Variants in SLC25A20 observed in about 807,000 individuals in gnomAD.
SLC25A20 encodes solute carrier family 25 member 20, also known as mitochondrial carnitine/acylcarnitine carrier protein.
SLC25A20 carries 29 observed loss-of-function variants against 39.7 expected under a neutral mutation model. The ratio of observed to expected loss-of-function variants is 0.73; its 90% confidence interval spans 0.54 to 1.00. The LOEUF is 1.00. Among genes scored for constraint, SLC25A20 ranks in the 50% least tolerant of loss-of-function variants. The pLI is 0.00. For synonymous variants in SLC25A20, 103 were observed against 142.2 expected (o/e 0.72, Z 1.96); for missense variants, 333 against 379.9 (o/e 0.88, Z 1.03).
Position 48,857,605 on chromosome 3 carries a change from C to T in SLC25A20, c.*105G>A. ...TCCATGCACAGGGCTCGGATCTCAC[C>T]ATTCCCCTCCCCTTGCCCTCCAAGA... On this transcript the variant is annotated 3_prime_UTR_variant, in exon 9 of 9. Transcript: ENST00000319017. The T allele has an allele frequency of 9.8e-7, 1 of 1,024,512 alleles. No homozygotes were observed. Among genetic ancestry groups the T allele is most frequent in the Non-Finnish European group, 1.5e-6 (1 of 660,516 alleles). 63.5% of individuals were successfully genotyped at this position (1,024,512 alleles called of 1,614,324 possible).
chr3:48,865,087 T>G (rs1000484876), intron 4 of SLC25A20, among the ~76,000 whole-genome samples: 1 of 152,046 alleles, frequency 6.6e-6, no homozygotes, highest in Non-Finnish European at 1.5e-5. Flanking sequence ...ATAGAAATGT[T>G]GGATAAACTA....
At chr3:48,878,209 C>T (rs1048938498) in intron 4 of SLC25A20, among the ~76,000 whole-genome samples, 2 of 141,324 alleles carry the variant, frequency 1.4e-5, no homozygotes, top group African/African-American at 5.3e-5. Flanking sequence ...TGCAGTGAGC[C>T]AAGATCATGC....
rs1201091816 is a variant in SLC25A20 at position 48,857,698 on chromosome 3, CA to C, written c.*11del. On this transcript the variant is annotated 3_prime_UTR_variant, in exon 9 of 9. Coordinates refer to ENST00000319017, the MANE Select transcript of SLC25A20 (RefSeq NM_000387.6). ...TCCAGCATCCAGAAGTGAACTTGAG[CA>C]GCCTTCAGCCTCACAAGTTGGGGGT... 1.9e-6 allele frequency: 3 copies of C among 1,612,982 alleles called. No individual in the cohort carries two copies. The highest frequency in any genetic ancestry group is 1.7e-6 in the Non-Finnish European group (2 of 1,179,344).
At chr3:48,872,530 A>C (rs1037537988) in intron 4 of SLC25A20, among the ~76,000 whole-genome samples, 1 of 151,952 alleles carries the variant, frequency 6.6e-6, no homozygotes, top group Non-Finnish European at 1.5e-5. Flanking sequence ...AGAAAAAAAA[A>C]AGAACTCTGT....
chr3:48,857,399 G>A lies in SLC25A20; in HGVS notation c.*311C>T, dbSNP rs575183195. 166 of 392,232 alleles carry A rather than the reference G, an allele frequency of 4.2e-4. 4 individuals carry two copies. Among genetic ancestry groups the A allele is most frequent in the South Asian group, 3.9e-3 (164 of 42,286 alleles). The allele number at this position is 392,232 out of a possible 1,614,324, so 24.3% of individuals were successfully genotyped here. A position where few individuals can be genotyped will look rare whatever the true frequency, so the allele number is the denominator to read the frequency against. On this transcript the variant is annotated 3_prime_UTR_variant, in exon 9 of 9. Transcript: ENST00000319017. ...ATGAGGAATACTTTGACTGTGGTAG[G>A]ACCAGCAGTTAACTGGTAGGCAGCA... is the stretch of plus-strand genomic sequence containing the variant.
At chr3:48,883,945 A>G in intron 3 of SLC25A20, 52 bp downstream of exon 3, 1 of 1,606,196 alleles carries the variant, frequency 6.2e-7, no homozygotes. Context: ...ATTTTAACCC[A>G]TGTCACGCTA....
chr3:48,898,351 GATA>G (rs1217469568), intron 1 of SLC25A20, among the ~76,000 whole-genome samples: 13 of 152,222 alleles, frequency 8.5e-5, no homozygotes, highest in Non-Finnish European at 1.5e-4. Context: ...CAACCTTAAC[GATA>G]ATATTAGTGT....
intron 4 of SLC25A20, among the ~76,000 whole-genome samples, chr3:48,871,382 CTG>C: frequency 6.6e-6 from 1 of 150,820 alleles, no homozygotes; most frequent in South Asian, 2.1e-4. Context: ...AGGAATAAGT[CTG>C]TTGAATTTCA....
At chr3:48,878,271 AAAATATATAT>A (rs1281592948) in intron 4 of SLC25A20, among the ~76,000 whole-genome samples, 1 of 77,830 alleles carries the variant, frequency 1.3e-5, no homozygotes, top group Non-Finnish European at 2.3e-5. Flanking sequence ...ACAAAAAAAA[AAAATATATAT>A]ATATATATAT....
chr3:48,882,481 A>G, intron 3 of SLC25A20, among the ~76,000 whole-genome samples: 1 of 152,208 alleles, frequency 6.6e-6, no homozygotes, highest in East Asian at 1.9e-4. Flanking sequence ...TGTCACATAT[A>G]TTTAAGCATT....
At chr3:48,896,326 T>A (rs891082117) in intron 1 of SLC25A20, among the ~76,000 whole-genome samples, 2 of 151,350 alleles carry the variant, frequency 1.3e-5, no homozygotes, top group Non-Finnish European at 2.9e-5. Flanking sequence ...TGCACCACCA[T>A]GCCCAGCTAA....
At chr3:48,879,255 C>T in intron 4 of SLC25A20, 103 bp downstream of exon 4, 1 of 900,288 alleles carries the variant, frequency 1.1e-6, no homozygotes, top group Non-Finnish European at 1.9e-6. Context: ...TGAGCCACTG[C>T]ACCCAGTCCT....
chr3:48,894,736 C>G (rs1468344545), intron 1 of SLC25A20, among the ~76,000 whole-genome samples: 1 of 152,172 alleles, frequency 6.6e-6, no homozygotes, highest in African/African-American at 2.4e-5. Context: ...AGTGATCCTC[C>G]TGCCTCATTG....
Position 48,898,710 on chromosome 3 carries a change from G to T in SLC25A20, c.85C>A (p.His29Asn). 1 of 1,606,870 alleles carries T rather than the reference G, an allele frequency of 6.2e-7. No homozygotes were observed. Among genetic ancestry groups the T allele is most frequent in the South Asian group, 1.1e-5 (1 of 89,906 alleles). ...FGGVCLVFVG[H>N]PLDTVKVRLQ... is the part of the protein sequence containing the mutation. ...CGCACCTTGACCGTGTCCAGAGGGT[G>T]ACCGACGAACACCAGGCACACGCCG... The change falls in exon 1 of 9, where the codon CAC becomes AAC. Residue 29 changes from histidine to asparagine, a missense_variant. Physicochemically the swap from His to Asn is moderately conservative, Grantham distance 68. Coordinates refer to ENST00000319017, the MANE Select transcript of SLC25A20 (RefSeq NM_000387.6).
At chr3:48,884,805 G>T (rs770369027) in intron 2 of SLC25A20, among the ~76,000 whole-genome samples, 1 of 150,496 alleles carries the variant, frequency 6.6e-6, no homozygotes, top group Non-Finnish European at 1.5e-5. Context: ...AAAAACAAAA[G>T]CTGCCAAATA....
At chr3:48,891,451 ACT>A (rs2083876938) in intron 2 of SLC25A20, among the ~76,000 whole-genome samples, 1 of 151,904 alleles carries the variant, frequency 6.6e-6, no homozygotes, top group African/African-American at 2.4e-5. Context: ...CTCACTGCAA[ACT>A]CTACCTCCTG....
intron 4 of SLC25A20, among the ~76,000 whole-genome samples, chr3:48,867,115 A>AT (rs1160970995): frequency 6.7e-6 from 1 of 149,690 alleles, no homozygotes; most frequent in Non-Finnish European, 1.5e-5. Context: ...TAATTTTTGT[A>AT]TTTTTTTGTA....
In SLC25A20 at chr3:48,858,355, C is replaced by A. The variant is rs2083596622; in HGVS notation, c.843+152G>T. 8 of 1,162,410 alleles carry A rather than the reference C, an allele frequency of 6.9e-6. No individual in the cohort carries two copies. The Admixed American group carries it at 1.3e-4, about 19-fold the overall frequency. 72.0% of individuals were successfully genotyped at this position (1,162,410 alleles called of 1,614,324 possible). ...CAAAGGCAAATCCTCCTGACAGCTT[C>A]AAGGAAGGGAGCAAATAAGGAATGC... is the stretch of plus-strand genomic sequence containing the variant. On this transcript the variant is annotated intron_variant, in intron 8 of 8. Coordinates refer to ENST00000319017, the MANE Select transcript of SLC25A20 (RefSeq NM_000387.6).
At chr3:48,893,852 GAAAA>G (rs978467478) in intron 1 of SLC25A20, among the ~76,000 whole-genome samples, 9 of 69,106 alleles carry the variant, frequency 1.3e-4, no homozygotes, top group Non-Finnish European at 1.7e-4. Context: ...CTTTAAAAAA[GAAAA>G]AAAAAAAAAA....
Sources: gnomAD v4.1 joint callset for allele counts (sites outside exome capture counted in the v4.1 genomes callset) on GRCh38, gnomAD v4.1.1 for gene constraint, MANE v1.5 for transcripts, NCBI Gene and HGNC (gene_info 2026-07-23, HGNC 2026-07-21) for gene names.